Variants in SLC7A8 observed in about 807,000 individuals in gnomAD.
SLC7A8 encodes large neutral amino acids transporter small subunit 2.
Under a neutral mutation model 51.2 loss-of-function variants are expected in SLC7A8, and 30 were observed. That is an observed-to-expected ratio of 0.59 (90% confidence interval 0.44 to 0.80). The LOEUF is 0.80. SLC7A8 is among the 30% of genes least tolerant of loss of function. The pLI is 0.00. For synonymous variants in SLC7A8, 257 were observed against 275.8 expected, an observed-to-expected ratio of 0.93 and a Z score of 0.67; for missense variants, 612 against 674.4, an observed-to-expected ratio of 0.91 and a Z score of 1.03.
At chr14:23,138,894 G>A (rs1223119557) in intron 6 of SLC7A8, among the ~76,000 whole-genome samples, 4 of 152,168 alleles carry the variant, frequency 2.6e-5, no homozygotes, top group Admixed American at 2.6e-4. Context: ...CCAGCCTGAT[G>A]CCAGGTGAGG....
At chr14:23,172,292 GA>G (rs552418962) in intron 1 of SLC7A8, among the ~76,000 whole-genome samples, 43 of 152,352 alleles carry the variant, frequency 2.8e-4, no homozygotes, top group African/African-American at 1.0e-3. Context: ...CCAGGACTGT[GA>G]AACATTCTCT....
intron 1 of SLC7A8, among the ~76,000 whole-genome samples, chr14:23,171,342 G>A (rs1272874746): frequency 2.0e-5 from 3 of 152,166 alleles, no homozygotes; most frequent in Non-Finnish European, 4.4e-5. Context: ...GAGCCATGTT[G>A]TCTCAATGGG....
At chr14:23,145,325 G>A (rs1466929544) in intron 3 of SLC7A8, among the ~76,000 whole-genome samples, 7 of 151,408 alleles carry the variant, frequency 4.6e-5, no homozygotes, top group African/African-American at 1.7e-4. Context: ...TCAGGAGTTC[G>A]AGACCAGTCT....
intron 7 of SLC7A8, among the ~76,000 whole-genome samples, chr14:23,132,738 C>T (rs1164326326): frequency 2.6e-5 from 4 of 151,378 alleles, no homozygotes; most frequent in Admixed American, 1.3e-4. Flanking sequence ...CAGGTTCAAG[C>T]GATTCTTCTG....
intron 1 of SLC7A8, among the ~76,000 whole-genome samples, chr14:23,181,014 G>A (rs1025387627): frequency 6.6e-6 from 1 of 151,528 alleles, no homozygotes; most frequent in African/African-American, 2.4e-5. Context: ...GCCACAGAGC[G>A]AGACTCCGTC....
intron 3 of SLC7A8, among the ~76,000 whole-genome samples, chr14:23,158,725 A>G (rs2048906929): frequency 6.6e-6 from 1 of 152,246 alleles, no homozygotes; most frequent in South Asian, 2.1e-4. Flanking sequence ...TTTGGGGACA[A>G]ACTTGATTCC....
chr14:23,140,692 C>T, intron 4 of SLC7A8, 68 bp from the exon 5 acceptor site: 1 of 1,513,246 alleles, frequency 6.6e-7, no homozygotes. Context: ...CCTGGCCTGC[C>T]CTGGCCCACC....
intron 1 of SLC7A8, among the ~76,000 whole-genome samples, chr14:23,171,713 T>A (rs2048976029): frequency 6.6e-6 from 1 of 152,132 alleles, no homozygotes; most frequent in Admixed American, 6.5e-5. Context: ...GCTGAGAGGA[T>A]CTCAGAGCTT....
intron 8 of SLC7A8, among the ~76,000 whole-genome samples, chr14:23,131,168 G>T (rs2048628740): frequency 6.6e-6 from 1 of 152,140 alleles, no homozygotes; most frequent in South Asian, 2.1e-4. Context: ...TATTTTTTTT[G>T]AGGCTGTAGA....
At position 23,143,122 on chromosome 14, in the gene SLC7A8, G is replaced by A. The variant is rs1001597419; in HGVS notation, c.591C>T (p.Ala197=). 6.2e-7 allele frequency: 1 copy of A among 1,614,218 alleles called. No homozygotes were observed. The highest frequency in any genetic ancestry group is 8.5e-7 in the Non-Finnish European group (1 of 1,180,040). ...QDIFTAGKLL[A]LALIIIMGIV... ...TCCCCATGATGATAATCAGGGCCAA[G>A]GCCAGGAGCTTCCCAGCTGTGAAGA... The change falls in exon 4 of 11, where the codon GCC becomes GCT. Residue 197 remains alanine (A), a synonymous_variant. Coordinates refer to ENST00000316902, the MANE Select transcript of SLC7A8 (RefSeq NM_012244.4).
Position 23,131,526 on chromosome 14 carries a change from G to T in SLC7A8, c.1048C>A (p.Leu350Ile), listed in dbSNP as rs1461336379. The change falls in exon 8 of 11, where the codon CTT (leucine) becomes ATT (isoleucine). Residue 350 changes from leucine to isoleucine, a missense_variant. Physicochemically the swap from Leu to Ile is conservative, Grantham distance 5 (BLOSUM62 2). Transcript: ENST00000316902. ...LFFAGAREGH[L>I]PSVLAMIHVK... ...TGGATCATGGCCAACACACTGGGAA[G>T]GTGGCCCTCTCGGGCTCCAGCGAAG... is the stretch of plus-strand genomic sequence containing the variant. 1.9e-6 allele frequency: 3 copies of T among 1,607,962 alleles called. No homozygotes were observed. The highest frequency in any genetic ancestry group is 2.5e-6 in the Non-Finnish European group (3 of 1,177,582).
chr14:23,147,239 A>G (rs2048805054), intron 3 of SLC7A8, among the ~76,000 whole-genome samples: 1 of 152,052 alleles, frequency 6.6e-6, no homozygotes, highest in Non-Finnish European at 1.5e-5. Flanking sequence ...CCATCTGTCT[A>G]TCCATCCACC....
Position 23,183,136 on chromosome 14 carries a change from C to CAAAA in SLC7A8, c.-223_-222insTTTT. 1 of 7,928 alleles carries CAAAA rather than the reference C, an allele frequency of 1.3e-4. No individual in the cohort carries two copies. Among genetic ancestry groups the CAAAA allele is most frequent in the Non-Finnish European group, 4.1e-4 (1 of 2,432 alleles). 0.5% of individuals were successfully genotyped at this position (7,928 alleles called of 1,614,324 possible). A position where few individuals can be genotyped will look rare whatever the true frequency, so the allele number is the denominator to read the frequency against. On this transcript the variant is annotated 5_prime_UTR_variant, in exon 1 of 11. An upstream open reading frame in the 5' UTR loses its in-frame stop. Coordinates refer to ENST00000316902, the MANE Select transcript of SLC7A8 (RefSeq NM_012244.4). Reference sequence around the variant, plus strand: ...GCGTTTACAAACAAGAAAAGTGTTGCTAAAAAAAAAAAAAAAAAAAAAGGC... The same window carrying CAAAA: ...GCGTTTACAAACAAGAAAAGTGTTGCAAAATAAAAAAAAAAAAAAAAAAAAAGGC...
At chr14:23,137,296 G>C (rs1358067427) in intron 7 of SLC7A8, among the ~76,000 whole-genome samples, 1 of 152,126 alleles carries the variant, frequency 6.6e-6, no homozygotes, top group African/African-American at 2.4e-5. Context: ...TTGGACAAAT[G>C]TTTGCTTTCC....
intron 8 of SLC7A8, 70 bp downstream of exon 8, chr14:23,131,391 G>T (rs1263647507): frequency 9.9e-6 from 13 of 1,313,382 alleles, no homozygotes; most frequent in Middle Eastern, 1.9e-4. Context: ...TGAAAAGCAT[G>T]AACTCCCAGC....
chr14:23,137,921 C>G lies in SLC7A8; in HGVS notation c.1016G>C (p.Arg339Pro). 1 of 1,613,582 alleles carries G rather than the reference C, an allele frequency of 6.2e-7. No individual in the cohort carries two copies. The highest frequency in any genetic ancestry group is 1.1e-5 in the South Asian group (1 of 91,062). ...GVNGSLFTSS[R>P]LFFAGAREGH... ...GGGGAAGGGCCCAGGCAGCACTCAC[C>G]GAGAGGAGGTGAAGAGAGACCCATT... Residue 339 changes from arginine (R) to proline (P), a missense_variant and splice_region_variant, in exon 7 of 11, where the codon CGG becomes CCG. Coordinates refer to ENST00000316902, the MANE Select transcript of SLC7A8 (RefSeq NM_012244.4).
At chr14:23,138,635 C>G (rs1369086109) in intron 6 of SLC7A8, among the ~76,000 whole-genome samples, 5 of 152,182 alleles carry the variant, frequency 3.3e-5, no homozygotes, top group Non-Finnish European at 7.4e-5. Flanking sequence ...TGAGCCCCTC[C>G]TTAGTCTGAG....
At chr14:23,148,027 G>A (rs1246922929) in intron 3 of SLC7A8, among the ~76,000 whole-genome samples, 4 of 152,120 alleles carry the variant, frequency 2.6e-5, no homozygotes, top group Non-Finnish European at 5.9e-5. Flanking sequence ...CCCCATCCCA[G>A]CTCTGATCCC....
chr14:23,163,665 G>A (rs2048935351), intron 3 of SLC7A8, among the ~76,000 whole-genome samples: 1 of 152,188 alleles, frequency 6.6e-6, no homozygotes, highest in African/African-American at 2.4e-5. Context: ...CATATGGCCA[G>A]GATGATCACT....
Sources: gnomAD v4.1 joint callset for allele counts (sites outside exome capture counted in the v4.1 genomes callset) on GRCh38, gnomAD v4.1.1 for gene constraint, MANE v1.5 for transcripts, NCBI Gene and HGNC (gene_info 2026-07-23, HGNC 2026-07-21) for gene names.